Variants in RELN observed in about 807,000 individuals in gnomAD.
The protein encoded by RELN is reelin.
In RELN, 108 loss-of-function variants were observed where a neutral mutation model predicts 427.6. The ratio of observed to expected loss-of-function variants is 0.25; its 90% CI spans 0.22 to 0.30. The LOEUF is 0.30. Among genes scored for constraint, RELN ranks in the 10% least tolerant of loss-of-function variants. RELN has a pLI of 1.00. For missense variants in RELN, 3,715 were observed against 4,302.8 expected (o/e 0.86, Z 3.82); for synonymous variants, 1,524 against 1,513.4 (o/e 1.01, Z -0.16).
chr7:103,766,596 A>G (rs1161610030), intron 4 of RELN, among the ~76,000 whole-genome samples: 1 of 152,232 alleles, frequency 6.6e-6, no homozygotes, highest in Non-Finnish European at 1.5e-5. Context: ...CCCCATTCAC[A>G]TTCTGGACTT....
intron 3 of RELN, among the ~76,000 whole-genome samples, chr7:103,787,771 A>C (rs1234971756): frequency 1.3e-5 from 2 of 152,238 alleles, no homozygotes; most frequent in Non-Finnish European, 2.9e-5. Context: ...AGGAGCTGGT[A>C]CCATTCCTTC....
Position 103,561,551 on chromosome 7 carries a change from G to A in RELN, c.5510C>T (p.Thr1837Ile), listed in dbSNP as rs763431842. 21 of 1,613,412 alleles carry A rather than the reference G, an allele frequency of 1.3e-5. No homozygotes were observed. Among genetic ancestry groups the A allele is most frequent in the Non-Finnish European group, 1.6e-5 (19 of 1,179,510 alleles). The change falls in exon 36 of 65, where the codon ACA (threonine) becomes ATA (isoleucine). Residue 1837 changes from threonine to isoleucine, a missense_variant. Physicochemically the swap from Thr to Ile is moderately conservative, Grantham distance 89 (BLOSUM62 -1). Around this residue, in one of 4 missense-constraint regions of RELN, gnomAD observed 2,208 missense variants for 2,361.7 expected, o/e 0.93. Coordinates refer to ENST00000428762, the MANE Select transcript of RELN (RefSeq NM_005045.4). Reference protein sequence around the residue: ...NLNGETIKSGTSLIFKGEGLR... With the variant: ...NLNGETIKSGISLIFKGEGLR... ...TCTGACCCCTTTAAAAATTAGAGAT[G>A]TTCCAGATTTGATGGTTTCACCATT...
chr7:103,972,522 G>C (rs1796784413), intron 1 of RELN, among the ~76,000 whole-genome samples: 1 of 152,196 alleles, frequency 6.6e-6, no homozygotes, highest in Non-Finnish European at 1.5e-5. Context: ...CTGTCCCACT[G>C]AGAAGCACTG....
chr7:103,698,715 A>T (rs1834030130), intron 9 of RELN, among the ~76,000 whole-genome samples: 2 of 152,006 alleles, frequency 1.3e-5, no homozygotes, highest in South Asian at 4.1e-4. Context: ...AGGTCTTGCT[A>T]TGTTGCCTGG....
chr7:103,484,166 CA>C, intron 61 of RELN: 1 of 354,330 alleles, frequency 2.8e-6, no homozygotes, highest in Non-Finnish European at 5.3e-6. Context: ...AGGTGTAAGC[CA>C]CTGTGCCCGG....
intron 3 of RELN, among the ~76,000 whole-genome samples, chr7:103,826,527 C>A (rs1793145706): frequency 6.6e-6 from 1 of 151,992 alleles, no homozygotes; most frequent in African/African-American, 2.4e-5. Context: ...CTGCTTGTAT[C>A]CAAATAACTA....
At chr7:103,767,340 T>G (rs1791451834) in intron 4 of RELN, among the ~76,000 whole-genome samples, 1 of 152,210 alleles carries the variant, frequency 6.6e-6, no homozygotes, top group African/African-American at 2.4e-5. Context: ...AAGAATCTAC[T>G]TGGTATAATG....
chr7:103,624,975 G>A (rs1832298077), intron 20 of RELN, among the ~76,000 whole-genome samples: 1 of 152,106 alleles, frequency 6.6e-6, no homozygotes, highest in African/African-American at 2.4e-5. Flanking sequence ...ATTTCTACAG[G>A]TATCCATCTT....
At chr7:103,907,205 C>A (rs1273901289) in intron 2 of RELN, among the ~76,000 whole-genome samples, 2 of 151,128 alleles carry the variant, frequency 1.3e-5, no homozygotes, top group Admixed American at 6.6e-5. Context: ...ATCATGAGGT[C>A]AGGAGACTGA....
chr7:103,708,527 G>A (rs906194101), intron 8 of RELN, among the ~76,000 whole-genome samples: 1 of 139,974 alleles, frequency 7.1e-6, no homozygotes, highest in Non-Finnish European at 1.5e-5. Context: ...GCAGTGGCGC[G>A]ATCTCGGCTC....
chr7:103,711,295 G>A (rs918810542), intron 8 of RELN, among the ~76,000 whole-genome samples: 1 of 152,060 alleles, frequency 6.6e-6, no homozygotes, highest in Non-Finnish European at 1.5e-5. Flanking sequence ...CTTAGAGAGA[G>A]ACCCTAACCC....
intron 31 of RELN, among the ~76,000 whole-genome samples, chr7:103,567,033 A>G (rs940948104): frequency 3.3e-5 from 5 of 152,208 alleles, no homozygotes; most frequent in African/African-American, 1.2e-4. Context: ...AGGGGAACAT[A>G]AAAACCTGCC....
chr7:103,794,505 TGGTA>T (rs1168848624), intron 3 of RELN, among the ~76,000 whole-genome samples: 2 of 152,146 alleles, frequency 1.3e-5, no homozygotes, highest in African/African-American at 2.4e-5. Flanking sequence ...TCACTTTCCT[TGGTA>T]GATGCATATC....
chr7:103,531,852 T>C (rs1829947076), intron 46 of RELN, among the ~76,000 whole-genome samples: 1 of 151,596 alleles, frequency 6.6e-6, no homozygotes, highest in South Asian at 2.1e-4. Flanking sequence ...TTGGTGGGAG[T>C]GTAAATTAGT....
At chr7:103,701,034 A>G (rs1010224881) in intron 8 of RELN, 28 bp from the exon 9 acceptor site, 13 of 1,329,714 alleles carry the variant, frequency 9.8e-6, no homozygotes, top group Non-Finnish European at 1.4e-5. Flanking sequence ...AATAAATTTC[A>G]AGGTTAAAAA....
chr7:103,532,088 C>A (rs1829952505), intron 46 of RELN, among the ~76,000 whole-genome samples: 1 of 151,908 alleles, frequency 6.6e-6, no homozygotes, highest in Non-Finnish European at 1.5e-5. Flanking sequence ...GGTACATATA[C>A]ACCATGGAAT....
chr7:103,826,684 T>C (rs1177600861), intron 3 of RELN, among the ~76,000 whole-genome samples: 3 of 152,062 alleles, frequency 2.0e-5, no homozygotes, highest in East Asian at 1.9e-4. Flanking sequence ...TCAATTCTAG[T>C]GATAGGGAAA....
chr7:103,600,943 T>C (rs1479031963), intron 24 of RELN, among the ~76,000 whole-genome samples: 1 of 152,226 alleles, frequency 6.6e-6, no homozygotes, highest in Non-Finnish European at 1.5e-5. Flanking sequence ...GACTTACTTA[T>C]TCCTCTCAAT....
intron 1 of RELN, among the ~76,000 whole-genome samples, chr7:103,979,007 A>C (rs1053877009): frequency 2.6e-5 from 4 of 152,140 alleles, no homozygotes; most frequent in Non-Finnish European, 4.4e-5. Context: ...AAAAGAAAAC[A>C]TCTATATGTG....
Sources: gnomAD v4.1 joint callset for allele counts (sites outside exome capture counted in the v4.1 genomes callset) on GRCh38, gnomAD v4.1.1 for gene constraint, gnomAD v4.1.1 regional missense constraint, MANE v1.5 for transcripts, NCBI Gene and HGNC (gene_info 2026-07-23, HGNC 2026-07-21) for gene names.